The following ZDHHC21 variants were observed in gnomAD, a reference collection of about 807,000 sequenced individuals.
ZDHHC21 encodes zDHHC palmitoyltransferase 21.
In ZDHHC21, 15 loss-of-function variants were observed where a neutral mutation model predicts 34.6. That is an observed-to-expected ratio of 0.43 (90% CI 0.29 to 0.67). The LOEUF (loss-of-function observed/expected upper bound fraction) is 0.67. Ranked by LOEUF, ZDHHC21 falls within the 30% of genes least tolerant of loss-of-function variation. The probability of loss-of-function intolerance (pLI) is 0.14; values close to 1 mark genes in which losing one functional copy is unlikely to be tolerated. For missense variants in ZDHHC21, 344 were observed against 327.7 expected (o/e 1.05, Z -0.38); for synonymous variants, 142 against 101.8 (o/e 1.40, Z -2.38).
intron 5 of ZDHHC21, among the ~76,000 whole-genome samples, chr9:14,663,307 T>C (rs1833731428): frequency 6.6e-6 from 1 of 152,132 alleles, no homozygotes; most frequent in Admixed American, 6.5e-5. Flanking sequence ...CATAGTAAGA[T>C]TAGCCTAACT....
chr9:14,689,170 G>C (rs1039244197), intron 2 of ZDHHC21, among the ~76,000 whole-genome samples: 2 of 152,218 alleles, frequency 1.3e-5, no homozygotes, highest in Non-Finnish European at 2.9e-5. Flanking sequence ...CATACTAGCT[G>C]AAGTTGTATT....
At chr9:14,592,010 C>G in the ZDHHC21 span, among the ~76,000 whole-genome samples, 1 of 151,862 alleles carries the variant, frequency 6.6e-6, no homozygotes, top group Non-Finnish European at 1.5e-5. Context: ...AAATGTTTGC[C>G]TTTTTATTGA....
intron 2 of ZDHHC21, among the ~76,000 whole-genome samples, chr9:14,689,095 C>T (rs1033712208): frequency 6.6e-6 from 1 of 152,284 alleles, no homozygotes. Flanking sequence ...GCCCCGTTAT[C>T]TACTTTTTTA....
intron 5 of ZDHHC21, among the ~76,000 whole-genome samples, chr9:14,671,695 A>G (rs1331020585): frequency 6.6e-6 from 1 of 152,144 alleles, no homozygotes; most frequent in Non-Finnish European, 1.5e-5. Context: ...CATTCAAGTG[A>G]AAAACTCGAT....
chr9:14,628,766 CAA>C (rs1328999897), intron 8 of ZDHHC21, among the ~76,000 whole-genome samples: 3 of 152,090 alleles, frequency 2.0e-5, no homozygotes, highest in African/African-American at 7.2e-5. Flanking sequence ...CACAAAACAG[CAA>C]ACTTATTTTA....
downstream of ZDHHC21, among the ~76,000 whole-genome samples, chr9:14,607,442 A>G (rs1036029330): frequency 6.6e-5 from 10 of 152,162 alleles, no homozygotes; most frequent in Non-Finnish European, 7.3e-5. Flanking sequence ...GGATAATCAT[A>G]TATCATTATA....
intron 7 of ZDHHC21, among the ~76,000 whole-genome samples, chr9:14,643,695 A>C (rs954739982): frequency 6.6e-6 from 1 of 152,154 alleles, no homozygotes; most frequent in Non-Finnish European, 1.5e-5. Context: ...TAGAATTATT[A>C]TTTAATTTTT....
In ZDHHC21 at chr9:14,693,287, C is replaced by CCCTCCTCCTGCCGCGCCACCTCCG. The variant is rs757786490; in HGVS notation, c.-307_-284dup. 2 of 419,610 alleles carry CCCTCCTCCTGCCGCGCCACCTCCG rather than the reference C, an allele frequency of 4.8e-6. No individual in the cohort carries two copies. Among genetic ancestry groups the CCCTCCTCCTGCCGCGCCACCTCCG allele is most frequent in the South Asian group, 3.3e-5 (2 of 60,998 alleles). 26.0% of individuals were successfully genotyped at this position (419,610 alleles called of 1,614,324 possible). The stretch of plus-strand genomic sequence containing the variant: ...TCTCCCGACCGCCAGCAGCTCTTTC[C>CCCTCCTCCTGCCGCGCCACCTCCG]CCTCCTCCTGCCGCGCCACCTCCGC... On this transcript the variant is annotated 5_prime_UTR_variant, in exon 1 of 10. Transcript: ENST00000380916.
intron 3 of ZDHHC21, among the ~76,000 whole-genome samples, chr9:14,675,973 G>A (rs1199912197): frequency 6.6e-6 from 1 of 151,972 alleles, no homozygotes; most frequent in Non-Finnish European, 1.5e-5. Flanking sequence ...AAAGCTTTCT[G>A]TGGAGAGTGA....
the ZDHHC21 span, among the ~76,000 whole-genome samples, chr9:14,603,934 T>A: frequency 6.6e-6 from 1 of 152,168 alleles, no homozygotes; most frequent in Non-Finnish European, 1.5e-5. Context: ...AGAAAATATA[T>A]CCTTCATGAA....
chr9:14,622,760 G>C, intron 8 of ZDHHC21: 1 of 984,724 alleles, frequency 1.0e-6, no homozygotes. Flanking sequence ...GGAAGTAAGA[G>C]CCATTGCCTC....
chr9:14,620,406 C>A (rs1420789341), intron 8 of ZDHHC21, among the ~76,000 whole-genome samples: 1 of 151,902 alleles, frequency 6.6e-6, no homozygotes, highest in African/African-American at 2.4e-5. Flanking sequence ...AATCAAAACA[C>A]AAATTACACA....
chr9:14,678,673 T>TA (rs1209540171), intron 3 of ZDHHC21, among the ~76,000 whole-genome samples: 1 of 152,026 alleles, frequency 6.6e-6, no homozygotes, highest in African/African-American at 2.4e-5. Flanking sequence ...TAGTATTACC[T>TA]AAAAAGTACT....
chr9:14,649,283 CAG>C (rs1830809935), intron 7 of ZDHHC21, among the ~76,000 whole-genome samples: 1 of 152,012 alleles, frequency 6.6e-6, no homozygotes, highest in Non-Finnish European at 1.5e-5. Flanking sequence ...ATAAAAATAA[CAG>C]AAACAGCTTA....
chr9:14,596,440 C>G, the ZDHHC21 span, among the ~76,000 whole-genome samples: 1 of 152,128 alleles, frequency 6.6e-6, no homozygotes, highest in African/African-American at 2.4e-5. Flanking sequence ...GGGTGGCATC[C>G]CTAGAAAACC....
In ZDHHC21 at chr9:14,687,543, C is replaced by T. The variant is rs1029750162; in HGVS notation, c.-176+2794G>A. Reference sequence around the variant, plus strand: ...ACAATTAGCCAGGCATAGTGGCGCCCGCCTGTAATCCCAGCTACTCGGGAG... The same window carrying T: ...ACAATTAGCCAGGCATAGTGGCGCCTGCCTGTAATCCCAGCTACTCGGGAG... On this transcript the variant is annotated intron_variant, in intron 2 of 9. Coordinates refer to ENST00000380916, the MANE Select transcript of ZDHHC21 (RefSeq NM_178566.6). Among the ~76,000 whole-genome samples, 27 of 150,454 alleles carry T rather than the reference C, an allele frequency of 1.8e-4. 2 individuals carry two copies. Among genetic ancestry groups the T allele is most frequent in the African/African-American group, 6.0e-4 (24 of 39,870 alleles).
At chr9:14,631,650 G>A (rs1211499347) in intron 8 of ZDHHC21, among the ~76,000 whole-genome samples, 3 of 152,092 alleles carry the variant, frequency 2.0e-5, no homozygotes, top group Non-Finnish European at 1.5e-5. Context: ...TTTAAAGTGA[G>A]AGACATGCAA....
At chr9:14,640,307 G>GAAAAAA (rs371542807) in intron 7 of ZDHHC21, among the ~76,000 whole-genome samples, 1 of 125,708 alleles carries the variant, frequency 8.0e-6, no homozygotes, top group African/African-American at 2.9e-5. Context: ...CCTATTTTGG[G>GAAAAAA]GAAAAAAAAA....
chr9:14,677,814 T>C (rs1031428754), intron 3 of ZDHHC21, among the ~76,000 whole-genome samples: 1 of 152,096 alleles, frequency 6.6e-6, no homozygotes, highest in Non-Finnish European at 1.5e-5. Flanking sequence ...TACCACTATT[T>C]TTTGCCTTTT....
Sources: gnomAD v4.1 joint callset for allele counts (sites outside exome capture counted in the v4.1 genomes callset) on GRCh38, gnomAD v4.1.1 for gene constraint, MANE v1.5 for transcripts, NCBI Gene and HGNC (gene_info 2026-07-23, HGNC 2026-07-21) for gene names.